Variants in MYO10 observed in about 807,000 individuals in gnomAD.
MYO10 encodes the protein unconventional myosin-X.
A neutral mutation model predicts 257.3 loss-of-function variants in MYO10; 133 were observed. The ratio of observed to expected loss-of-function variants is 0.52; its 90% CI spans 0.45 to 0.60. The LOEUF is 0.60. Among genes scored for constraint, MYO10 ranks in the 20% least tolerant of loss-of-function variants. MYO10 has a pLI of 0.00. For missense variants in MYO10, 2,399 were observed against 2,635.7 expected (o/e 0.91, Z 1.97); for synonymous variants, 1,104 against 1,028.6 (o/e 1.07, Z -1.40).
rs1037308585 is a variant in MYO10 at position 16,665,101 on chromosome 5, G to A, written c.*1591C>T. Reference sequence around the variant, plus strand: ...GCCTGTACTCCCAACTCCTTGGGAGGCTGAGGCAGGAGAATCGCTAGAACC... The same window carrying A: ...GCCTGTACTCCCAACTCCTTGGGAGACTGAGGCAGGAGAATCGCTAGAACC... On this transcript the variant is annotated 3_prime_UTR_variant, in exon 41 of 41. Coordinates refer to ENST00000513610, the MANE Select transcript of MYO10 (RefSeq NM_012334.3). 6.6e-6 allele frequency: 1 copy of A among 152,154 alleles called. No individual in the cohort carries two copies. The highest frequency in any genetic ancestry group is 1.5e-5 in the Non-Finnish European group (1 of 68,270). 9.4% of individuals were successfully genotyped at this position (152,154 alleles called of 1,614,324 possible).
intron 11 of MYO10, among the ~76,000 whole-genome samples, chr5:16,764,790 G>A (rs1740816770): frequency 6.6e-6 from 1 of 152,112 alleles, no homozygotes; most frequent in South Asian, 2.1e-4. Flanking sequence ...CCAGGTTCAA[G>A]CGATTCTCCT....
intron 19 of MYO10, among the ~76,000 whole-genome samples, chr5:16,715,256 A>T (rs1378755434): frequency 2.6e-5 from 4 of 151,998 alleles, no homozygotes; most frequent in Non-Finnish European, 5.9e-5. Flanking sequence ...TACTTAAAAA[A>T]AAATAAAGAT....
At chr5:16,934,252 A>G (rs1236717122) in intron 1 of MYO10, among the ~76,000 whole-genome samples, 1 of 152,242 alleles carries the variant, frequency 6.6e-6, no homozygotes, top group South Asian at 2.1e-4. Flanking sequence ...GTTCTCCCCA[A>G]GGGGGAGCCA....
rs765221936 is a variant in MYO10 at position 16,685,795 on chromosome 5, G to A, written c.3933C>T (p.Ser1311=). ...GCATCTCCTGGATCTCCTGGTCCGT[G>A]GACGCGTGGACCTGACTCAGCACGC... ...WFSVLSQVHA[S]TDQEIQEMHD... is the part of the protein sequence containing the mutation. The change falls in exon 29 of 41, where the codon TCC becomes TCT. Residue 1311 remains serine (S), a synonymous_variant. Coordinates refer to ENST00000513610, the MANE Select transcript of MYO10 (RefSeq NM_012334.3). The A allele has an allele frequency of 3.1e-6, 5 of 1,603,558 alleles. No individual in the cohort carries two copies. The highest frequency in any genetic ancestry group is 1.3e-5 in the African/African-American group (1 of 74,662).
At chr5:16,725,078 CTTTTTTTT>C (rs34100971) in intron 19 of MYO10, among the ~76,000 whole-genome samples, 10 of 74,890 alleles carry the variant, frequency 1.3e-4, no homozygotes, top group African/African-American at 3.0e-4. Flanking sequence ...CCTTCTTCTT[CTTTTTTTT>C]TTTTTTTTTT....
In MYO10 at chr5:16,668,450, G is replaced by A. The variant is rs780568469; in HGVS notation, c.5902C>T (p.Pro1968Ser). 2.5e-6 allele frequency: 4 copies of A among 1,610,002 alleles called. No individual in the cohort carries two copies. Among genetic ancestry groups the A allele is most frequent in the East Asian group, 2.2e-5 (1 of 44,846 alleles). ...FDVECKEGGF[P>S]QELWLGVSAD... is the part of the protein sequence containing the mutation. Reference sequence around the variant, plus strand: ...CTGACACCCAACCAGAGTTCCTGAGGGAAGCCACCTTCCTTGCACTGGTGG... The same window carrying A: ...CTGACACCCAACCAGAGTTCCTGAGAGAAGCCACCTTCCTTGCACTGGTGG... The change falls in exon 40 of 41, where the codon CCT (proline) becomes TCT (serine). Residue 1968 changes from proline (P) to serine (S), a missense_variant. Physicochemically the swap from Pro to Ser is moderately conservative, Grantham distance 74. Around this residue, in one of 3 missense-constraint regions of MYO10, gnomAD observed 1,820 missense variants for 1,939.4 expected, o/e 0.94. Transcript: ENST00000513610.
At chr5:16,903,829 A>G (rs1286547914) in intron 1 of MYO10, among the ~76,000 whole-genome samples, 1 of 152,182 alleles carries the variant, frequency 6.6e-6, no homozygotes, top group Non-Finnish European at 1.5e-5. Flanking sequence ...ATACAAAGGG[A>G]GATTATGGGC....
chr5:16,818,335 T>C (rs1742688619), intron 2 of MYO10, among the ~76,000 whole-genome samples, 168 bp from the exon 3 acceptor site: 1 of 143,500 alleles, frequency 7.0e-6, no homozygotes, highest in Admixed American at 6.9e-5. Flanking sequence ...GTCACCTATC[T>C]CTCTCTCTCT....
chr5:16,822,839 A>T (rs570734396), intron 2 of MYO10, among the ~76,000 whole-genome samples: 50 of 151,660 alleles, frequency 3.3e-4, no homozygotes, highest in African/African-American at 1.2e-3. Context: ...AGGCGCCCGC[A>T]ACCACGCCCG....
At position 16,678,528 on chromosome 5, in the gene MYO10, T is replaced by C. The variant is rs181629954; in HGVS notation, c.4542+1419A>G. On this transcript the variant is annotated intron_variant, in intron 33 of 40. Coordinates refer to ENST00000513610, the MANE Select transcript of MYO10 (RefSeq NM_012334.3). ...CCGGGAGGCGGAGGTTGCAGTGAGC[T>C]GAGATCGCACTACCGCACTCCAGCC... Among the ~76,000 whole-genome samples the C allele has an allele frequency of 1.0e-3, 157 of 152,276 alleles. 1 individual carries two copies. Among genetic ancestry groups the C allele is most frequent in the Middle Eastern group, 6.8e-3 (2 of 294 alleles).
At chr5:16,906,151 T>C (rs957713679) in intron 1 of MYO10, among the ~76,000 whole-genome samples, 5 of 152,106 alleles carry the variant, frequency 3.3e-5, no homozygotes, top group African/African-American at 1.2e-4. Context: ...GCTATCCCAG[T>C]CCCCATGCCA....
At chr5:16,749,526 G>T (rs1740321592) in intron 19 of MYO10, among the ~76,000 whole-genome samples, 2 of 151,832 alleles carry the variant, frequency 1.3e-5, no homozygotes, top group South Asian at 4.2e-4. Context: ...CCAAGAGGCT[G>T]CTTGTGCTAG....
At chr5:16,726,921 A>G (rs1484459740) in intron 19 of MYO10, among the ~76,000 whole-genome samples, 1 of 152,210 alleles carries the variant, frequency 6.6e-6, no homozygotes, top group African/African-American at 2.4e-5. Flanking sequence ...CACTTCCACA[A>G]TACAATAGCA....
chr5:16,709,844 G>A (rs1027792741), intron 21 of MYO10, among the ~76,000 whole-genome samples: 1 of 152,082 alleles, frequency 6.6e-6, no homozygotes, highest in African/African-American at 2.4e-5. Context: ...ACCCTGTTTT[G>A]TGTTTATATC....
rs1736091476 is a variant in MYO10, at chr5:16,664,866, G to A, written c.*1826C>T. On this transcript the variant is annotated 3_prime_UTR_variant, in exon 41 of 41. Transcript: ENST00000513610. ...GGAGACAGCTGCAGATCTGTGTTTAGACCTGATGAGCAAGTCCATGAAACA... is the reference window on the plus strand; with the variant it reads ...GGAGACAGCTGCAGATCTGTGTTTAAACCTGATGAGCAAGTCCATGAAACA... 1.3e-5 allele frequency: 2 copies of A among 152,184 alleles called. No individual in the cohort carries two copies. The highest frequency in any genetic ancestry group is 2.4e-5 in the African/African-American group (1 of 41,438). The allele number at this position is 152,184 out of a possible 1,614,324, so 9.4% of individuals were successfully genotyped here. A position where few individuals can be genotyped will look rare whatever the true frequency, so the allele number is the denominator to read the frequency against.
intron 40 of MYO10, among the ~76,000 whole-genome samples, chr5:16,667,502 C>T (rs1210945822): frequency 6.6e-6 from 1 of 152,146 alleles, no homozygotes; most frequent in East Asian, 1.9e-4. Flanking sequence ...ATCAAAGATC[C>T]CACAGTGGTT....
chr5:16,709,836 C>G (rs895377794), intron 21 of MYO10, among the ~76,000 whole-genome samples: 1 of 152,088 alleles, frequency 6.6e-6, no homozygotes, highest in African/African-American at 2.4e-5. Flanking sequence ...CTATCTCTAC[C>G]CTGTTTTGTG....
chr5:16,912,318 T>C (rs558921813), intron 1 of MYO10, among the ~76,000 whole-genome samples: 51 of 152,306 alleles, frequency 3.3e-4, no homozygotes, highest in Non-Finnish European at 6.6e-4. Context: ...CTTTAACAAC[T>C]AGAAGGCCTG....
At chr5:16,913,229 C>G (rs1026219595) in intron 1 of MYO10, among the ~76,000 whole-genome samples, 24 of 152,098 alleles carry the variant, frequency 1.6e-4, no homozygotes, top group Non-Finnish European at 3.1e-4. Flanking sequence ...GACAAAGATA[C>G]AAGCCACTGC....
Sources: allele counts gnomAD v4.1 joint callset (sites outside exome capture counted in the v4.1 genomes callset), GRCh38; gene constraint gnomAD v4.1.1; regional missense constraint gnomAD v4.1.1; transcripts MANE v1.5; gene names NCBI Gene and HGNC (gene_info 2026-07-23, HGNC 2026-07-21).